The following TRAPPC2 variants were observed in gnomAD, a reference collection of about 807,000 sequenced individuals.
TRAPPC2 encodes the protein sedlin.
In TRAPPC2, 4 loss-of-function variants were observed where a neutral mutation model predicts 10.0. The observed-to-expected ratio is 0.40, with a 90% CI of 0.20 to 0.92. TRAPPC2 has a LOEUF of 0.92. Ranked by LOEUF, TRAPPC2 falls within the 40% of genes least tolerant of loss-of-function variation. TRAPPC2 has a pLI of 0.35. For synonymous variants in TRAPPC2, 36 were observed against 37.3 expected (o/e 0.97, Z 0.12); for missense variants, 52 against 108.7 (o/e 0.48, Z 2.32).
chrX:13,715,136 T>C (rs190678275), intron 5 of TRAPPC2, among the ~76,000 whole-genome samples: 6 of 112,871 alleles, frequency 5.3e-5, no homozygotes, highest in Middle Eastern at 4.6e-3. Flanking sequence ...ACTGTGCTGA[T>C]ATGCAAGAAA....
intron 2 of TRAPPC2, among the ~76,000 whole-genome samples, chrX:13,727,320 A>C (rs943642263): frequency 8.9e-6 from 1 of 112,371 alleles, no homozygotes; most frequent in Non-Finnish European, 1.9e-5. Context: ...ACCACATTGC[A>C]CTTATTCTAA....
Position 13,716,597 on chromosome X carries a change from T to C in TRAPPC2, c.175A>G (p.Met59Val), listed in dbSNP as rs1344745130. The change falls in exon 4 of 6, where the codon ATG (methionine) becomes GTG (valine). Residue 59 changes from methionine to valine, a missense_variant. Physicochemically the swap from Met to Val is conservative, Grantham distance 21. Transcript: ENST00000380579. Reference protein sequence around the residue: ...VDENMWLSNNMYLKTVDKFNE... With the variant: ...VDENMWLSNNVYLKTVDKFNE... ...AACTTGTCCACAGTTTTCAAGTACA[T>C]GTTGTTCGATAGCCACATGTTCTCA... The C allele has an allele frequency of 8.3e-7, 1 of 1,211,553 alleles. No individual in the cohort carries two copies. Among genetic ancestry groups the C allele is most frequent in the East Asian group, 3.0e-5 (1 of 33,838 alleles).
At chrX:13,721,844 ATCTAAGGC>A (rs1257005812) in intron 2 of TRAPPC2, 3 of 110,323 alleles carry the variant, frequency 2.7e-5, no homozygotes, top group African/African-American at 6.6e-5. Context: ...TTTTGCGACC[ATCTAAGGC>A]TGCTCTCACG....
chrX:13,715,510 A>G (rs148607113), intron 5 of TRAPPC2: 1,240 of 115,409 alleles, frequency 0.011, 19 homozygotes, highest in South Asian at 0.048. Flanking sequence ...CAGTGTAACC[A>G]TGACGTCCTA....
chrX:13,725,196 A>T (rs1602731907), intron 2 of TRAPPC2, among the ~76,000 whole-genome samples: 1 of 113,125 alleles, frequency 8.8e-6, no homozygotes, highest in African/African-American at 3.2e-5. Context: ...GGCAGCAGAC[A>T]ACTTCTGCAG....
At chrX:13,729,571 T>C (rs1440200280) in intron 2 of TRAPPC2, among the ~76,000 whole-genome samples, 2 of 112,158 alleles carry the variant, frequency 1.8e-5, no homozygotes, top group African/African-American at 6.5e-5. Context: ...ACTGGATCCC[T>C]TCCTTACACC....
chrX:13,719,054 G>A (rs1569077337), intron 3 of TRAPPC2, among the ~76,000 whole-genome samples: 3 of 111,050 alleles, frequency 2.7e-5, no homozygotes, highest in East Asian at 2.8e-4. Context: ...CTACCTGGGA[G>A]GCTAATACAG....
chrX:13,729,677 G>C (rs901968617), intron 2 of TRAPPC2, among the ~76,000 whole-genome samples: 1 of 111,873 alleles, frequency 8.9e-6, no homozygotes, highest in Non-Finnish European at 1.9e-5. Flanking sequence ...GGGAGGCTGA[G>C]GTGGTCATAT....
chrX:13,728,998 T>C (rs780979074), intron 2 of TRAPPC2, among the ~76,000 whole-genome samples: 17 of 111,718 alleles, frequency 1.5e-4, no homozygotes, highest in Admixed American at 3.8e-4. Context: ...CCATTCACAA[T>C]TGCTACAAAG....
chrX:13,724,395 A>G (rs1216373557), intron 2 of TRAPPC2, among the ~76,000 whole-genome samples: 5 of 99,574 alleles, frequency 5.0e-5, no homozygotes, highest in Non-Finnish European at 1.0e-4. Flanking sequence ...TGTGTAATAT[A>G]TATTTAAAAA....
At chrX:13,728,601 C>A (rs753874737) in intron 2 of TRAPPC2, among the ~76,000 whole-genome samples, 72 of 111,905 alleles carry the variant, frequency 6.4e-4, no homozygotes, top group Non-Finnish European at 1.1e-3. Flanking sequence ...GAACATATCT[C>A]AAAATAATAA....
chrX:13,728,239 A>C (rs932052719), intron 2 of TRAPPC2, among the ~76,000 whole-genome samples: 2 of 112,271 alleles, frequency 1.8e-5, no homozygotes, highest in Non-Finnish European at 3.8e-5. Flanking sequence ...AATCCTCCCT[A>C]ACTCATTTTA....
chrX:13,732,212 GTAAAAGGATCAA>G (rs756646811), intron 2 of TRAPPC2, among the ~76,000 whole-genome samples: 77 of 111,800 alleles, frequency 6.9e-4, no homozygotes, highest in Admixed American at 1.1e-3. Flanking sequence ...GAATCATATT[GTAAAAGGATCAA>G]TAACTCTGTG....
At chrX:13,731,292 G>A (rs775926777) in intron 2 of TRAPPC2, among the ~76,000 whole-genome samples, 2 of 111,845 alleles carry the variant, frequency 1.8e-5, no homozygotes, top group African/African-American at 3.3e-5. Context: ...CATTCAGAGC[G>A]ACTAGAACAC....
intron 3 of TRAPPC2, among the ~76,000 whole-genome samples, chrX:13,719,232 G>A (rs146255929): frequency 0.019 from 1,559 of 81,570 alleles, 31 homozygotes; most frequent in African/African-American, 0.069. Context: ...AAAATATATG[G>A]TCCATTTCCT....
intron 3 of TRAPPC2, among the ~76,000 whole-genome samples, chrX:13,717,031 T>A (rs763950406): frequency 2.4e-4 from 10 of 41,469 alleles, no homozygotes; most frequent in African/African-American, 8.1e-4. Flanking sequence ...AAGGATACTA[T>A]GTTAAAAAAA....
rs778675332 is a variant in TRAPPC2, at chrX:13,714,646, G to A, written c.325-141C>T. On this transcript the variant is annotated intron_variant, in intron 5 of 5. Transcript: ENST00000380579. ...CACATTTTTAAGTTTTATTGAAAATGCTGCATTGTTAATAACATCCTCTTA... is the reference window on the plus strand; with the variant it reads ...CACATTTTTAAGTTTTATTGAAAATACTGCATTGTTAATAACATCCTCTTA... 6.6e-5 allele frequency: 25 copies of A among 378,428 alleles called. No homozygotes were observed. The South Asian group carries it at 1.8e-3, about 27-fold the overall frequency. The allele number at this position is 378,428 out of a possible 1,213,427, so 31.2% of individuals were successfully genotyped here. A position where few individuals can be genotyped will look rare whatever the true frequency, so the allele number is the denominator to read the frequency against.
intron 2 of TRAPPC2, among the ~76,000 whole-genome samples, chrX:13,725,119 G>A (rs779101088): frequency 3.4e-4 from 38 of 113,140 alleles, no homozygotes; most frequent in African/African-American, 1.2e-3. Context: ...GGCAGAGCCC[G>A]CTGCAGCTCA....
intron 4 of TRAPPC2, 81 bp downstream of exon 4, chrX:13,716,453 G>A: frequency 9.1e-7 from 1 of 1,103,786 alleles, no homozygotes. Flanking sequence ...CAGACTCAGA[G>A]CCTGGCATCT....
Sources: gnomAD v4.1 joint callset for allele counts (sites outside exome capture counted in the v4.1 genomes callset) on GRCh38, gnomAD v4.1.1 for gene constraint, MANE v1.5 for transcripts, NCBI Gene and HGNC (gene_info 2026-07-23, HGNC 2026-07-21) for gene names.